Variants in LDAH observed in about 807,000 individuals in gnomAD.
The protein encoded by LDAH is lipid droplet-associated hydrolase.
Under a neutral mutation model 29.6 loss-of-function variants are expected in LDAH, and 26 were observed. The observed-to-expected ratio is 0.88, with a 90% CI of 0.64 to 1.22. The LOEUF is 1.22. LDAH is among the 50% of genes most tolerant of loss of function. The probability of loss-of-function intolerance (pLI) is 0.00; values close to 1 mark genes in which losing one functional copy is unlikely to be tolerated. For missense variants in LDAH, 344 were observed against 387.3 expected (o/e 0.89, Z 0.94); for synonymous variants, 117 against 133.0 (o/e 0.88, Z 0.83).
chr2:20,753,215 C>A (rs1386663801), intron 4 of LDAH, among the ~76,000 whole-genome samples: 1 of 152,150 alleles, frequency 6.6e-6, no homozygotes, highest in East Asian at 1.9e-4. Flanking sequence ...AATAAAAGCT[C>A]CAATTTTATA....
intron 5 of LDAH, among the ~76,000 whole-genome samples, chr2:20,705,269 T>C (rs546629332): frequency 1.3e-5 from 2 of 152,334 alleles, no homozygotes; most frequent in South Asian, 4.1e-4. Context: ...TCTTGGAATG[T>C]GACTACTTCC....
chr2:20,748,753 A>G (rs1029454579), intron 4 of LDAH, among the ~76,000 whole-genome samples: 5 of 152,246 alleles, frequency 3.3e-5, no homozygotes, highest in Admixed American at 3.3e-4. Flanking sequence ...AAATTCTCAC[A>G]TGACTACTAT....
intron 5 of LDAH, among the ~76,000 whole-genome samples, chr2:20,724,624 G>A (rs1208421447): frequency 6.6e-6 from 1 of 152,204 alleles, no homozygotes; most frequent in Non-Finnish European, 1.5e-5. Context: ...TGGTATAAAA[G>A]TGAGATGAAT....
At chr2:20,768,272 G>A (rs978296365) in intron 4 of LDAH, among the ~76,000 whole-genome samples, 5 of 152,178 alleles carry the variant, frequency 3.3e-5, no homozygotes, top group African/African-American at 4.8e-5. Flanking sequence ...GCACTTCAGG[G>A]AGCCCAGACC....
intron 4 of LDAH, among the ~76,000 whole-genome samples, chr2:20,757,349 C>T (rs994058986): frequency 1.3e-5 from 2 of 152,094 alleles, no homozygotes; most frequent in Non-Finnish European, 2.9e-5. Flanking sequence ...CTAGAAGTAA[C>T]GATGAACTGG....
chr2:20,789,406 C>T, intron 3 of LDAH: 3 of 1,451,910 alleles, frequency 2.1e-6, no homozygotes, highest in Non-Finnish European at 2.7e-6. Flanking sequence ...ACTGGACGTC[C>T]AGTCTCAAGA....
At position 20,780,813 on chromosome 2, in the gene LDAH, C is replaced by T. The variant is rs569190307; in HGVS notation, c.299-5834G>A. ...TTTGCTCTTCTGACCCACAGATTTA[C>T]GTGCTTTCATTTCTAGGGACTGTGA... On this transcript the variant is annotated intron_variant, in intron 3 of 6. Coordinates refer to ENST00000237822, the MANE Select transcript of LDAH (RefSeq NM_021925.4). Among the ~76,000 whole-genome samples, 18 of 152,258 alleles carry T rather than the reference C, an allele frequency of 1.2e-4. No individual in the cohort carries two copies. In the South Asian group the frequency reaches 3.5e-3, roughly 30 times the overall value.
chr2:20,693,347 T>G (rs928173386), intron 6 of LDAH, among the ~76,000 whole-genome samples: 4 of 152,208 alleles, frequency 2.6e-5, no homozygotes, highest in Non-Finnish European at 5.9e-5. Context: ...AGAAAATATA[T>G]TCTATTCTGA....
intron 5 of LDAH, among the ~76,000 whole-genome samples, chr2:20,729,161 C>T (rs1296504076): frequency 6.6e-6 from 1 of 152,172 alleles, no homozygotes; most frequent in Non-Finnish European, 1.5e-5. Flanking sequence ...AAACTTCAGT[C>T]TCCTGGAAGA....
chr2:20,816,140 A>C (rs1357701913), intron 1 of LDAH, among the ~76,000 whole-genome samples: 1 of 152,132 alleles, frequency 6.6e-6, no homozygotes, highest in African/African-American at 2.4e-5. Flanking sequence ...GATACTCAAA[A>C]ACACTATAAA....
At chr2:20,711,205 G>C (rs1664732417) in intron 5 of LDAH, among the ~76,000 whole-genome samples, 1 of 152,046 alleles carries the variant, frequency 6.6e-6, no homozygotes, top group Admixed American at 6.6e-5. Context: ...TGGCTAACAT[G>C]GTGAAACCCT....
chr2:20,780,096 C>T (rs939169704), intron 3 of LDAH, among the ~76,000 whole-genome samples: 1 of 152,164 alleles, frequency 6.6e-6, no homozygotes, highest in African/African-American at 2.4e-5. Context: ...TCTGTAAGCT[C>T]CCTGTATCTA....
chr2:20,740,769 T>C lies in LDAH; in HGVS notation c.469-564A>G, dbSNP rs186960481. 1.9e-4 allele frequency among the ~76,000 whole-genome samples: 29 copies of C among 152,342 alleles called. No homozygotes were observed. The East Asian group carries it at 5.2e-3, about 27-fold the overall frequency. Reference sequence around the variant, plus strand: ...CCATGTGCACTAAGTTTTCAACTTCTTTGGGTAGATACCTACGAGCACAAT... The same window carrying C: ...CCATGTGCACTAAGTTTTCAACTTCCTTGGGTAGATACCTACGAGCACAAT... On this transcript the variant is annotated intron_variant, in intron 4 of 6. Coordinates refer to ENST00000237822, the MANE Select transcript of LDAH (RefSeq NM_021925.4).
intron 5 of LDAH, among the ~76,000 whole-genome samples, chr2:20,729,565 G>A (rs1182330983): frequency 1.3e-5 from 2 of 152,182 alleles, no homozygotes; most frequent in Non-Finnish European, 1.5e-5. Flanking sequence ...CAAGGACAAG[G>A]AGCTCCTAAT....
chr2:20,728,560 T>A (rs1415369085), intron 5 of LDAH, among the ~76,000 whole-genome samples: 1 of 152,134 alleles, frequency 6.6e-6, no homozygotes, highest in Non-Finnish European at 1.5e-5. Context: ...ACTTTCTCTT[T>A]GTGGGAAGCA....
At chr2:20,791,516 T>C (rs930616747) in intron 2 of LDAH, among the ~76,000 whole-genome samples, 1 of 152,256 alleles carries the variant, frequency 6.6e-6, no homozygotes, top group Non-Finnish European at 1.5e-5. Flanking sequence ...TTTGCTTCTG[T>C]TGCATTCTGA....
At chr2:20,811,208 C>T (rs1235472412) in intron 1 of LDAH, among the ~76,000 whole-genome samples, 2 of 151,640 alleles carry the variant, frequency 1.3e-5, no homozygotes, top group Non-Finnish European at 2.9e-5. Flanking sequence ...TTAGTAGAGA[C>T]GGGGTTTCAC....
At chr2:20,799,263 T>C (rs2125100629) in intron 2 of LDAH, among the ~76,000 whole-genome samples, 1 of 152,232 alleles carries the variant, frequency 6.6e-6, no homozygotes, top group African/African-American at 2.4e-5. Flanking sequence ...GTGGAATAAA[T>C]ATCACAGGAA....
At chr2:20,809,568 G>A (rs1025828998) in intron 1 of LDAH, among the ~76,000 whole-genome samples, 1 of 152,102 alleles carries the variant, frequency 6.6e-6, no homozygotes, top group Non-Finnish European at 1.5e-5. Context: ...AAACGAGCCT[G>A]TTGTTAGGAA....
Sources: gnomAD v4.1 joint callset for allele counts (sites outside exome capture counted in the v4.1 genomes callset) on GRCh38, gnomAD v4.1.1 for gene constraint, MANE v1.5 for transcripts, NCBI Gene and HGNC (gene_info 2026-07-23, HGNC 2026-07-21) for gene names.